The following CPNE4 variants were observed in gnomAD, a reference collection of about 807,000 sequenced individuals.
CPNE4 encodes copine-4.
CPNE4 carries 25 observed loss-of-function variants against 67.9 expected under a neutral mutation model. The observed-to-expected ratio is 0.37, with a 90% CI of 0.27 to 0.51. The LOEUF (loss-of-function observed/expected upper bound fraction) is 0.51. Ranked by LOEUF, CPNE4 falls within the 20% of genes least tolerant of loss-of-function variation. The pLI is 0.93. For synonymous variants in CPNE4, 242 were observed against 244.9 expected, an observed-to-expected ratio of 0.99 and a Z score of 0.11; for missense variants, 464 against 690.8, an observed-to-expected ratio of 0.67 and a Z score of 3.68.
intron 2 of CPNE4, among the ~76,000 whole-genome samples, chr3:131,729,023 A>C (rs149897869): frequency 2.3e-4 from 35 of 152,242 alleles, no homozygotes; most frequent in African/African-American, 6.7e-4. Flanking sequence ...TGGAACTGCC[A>C]CAGGCAAAGT....
intron 6 of CPNE4, among the ~76,000 whole-genome samples, chr3:131,684,484 T>C (rs1037978204): frequency 2.6e-5 from 4 of 152,226 alleles, no homozygotes; most frequent in Non-Finnish European, 5.9e-5. Context: ...TTTTTTTAGA[T>C]ATCAACTTTG....
intron 7 of CPNE4, among the ~76,000 whole-genome samples, chr3:131,668,483 A>G (rs1159982759): frequency 6.6e-6 from 1 of 152,054 alleles, no homozygotes; most frequent in Non-Finnish European, 1.5e-5. Context: ...GAAGCCATTA[A>G]CTGTCTCAGT....
chr3:131,862,943 G>A (rs1466009578), intron 2 of CPNE4, among the ~76,000 whole-genome samples: 2 of 150,306 alleles, frequency 1.3e-5, no homozygotes, highest in Non-Finnish European at 3.0e-5. Context: ...CCACCTATGA[G>A]TGAGAACATG....
chr3:131,679,708 G>A (rs1012879289), intron 6 of CPNE4, among the ~76,000 whole-genome samples: 8 of 152,144 alleles, frequency 5.3e-5, no homozygotes, highest in African/African-American at 1.9e-4. Flanking sequence ...TCAGGAACAG[G>A]TTATTCAATT....
intron 2 of CPNE4, among the ~76,000 whole-genome samples, chr3:131,744,378 TTTTTA>T (rs71622073): frequency 0.28 from 42,900 of 151,892 alleles, 6,140 homozygotes; most frequent in Middle Eastern, 0.36. Context: ...TTAGTGAAAC[TTTTTA>T]TTTTGTGTCA....
At chr3:131,624,095 T>C (rs149882858) in intron 7 of CPNE4, among the ~76,000 whole-genome samples, 1 of 152,180 alleles carries the variant, frequency 6.6e-6, no homozygotes, top group East Asian at 1.9e-4. Context: ...CTGCTATTGG[T>C]GTCTTTCTGA....
At chr3:131,781,649 T>C in intron 2 of CPNE4, among the ~76,000 whole-genome samples, 1 of 152,100 alleles carries the variant, frequency 6.6e-6, no homozygotes, top group Admixed American at 6.6e-5. Context: ...GCCACAAAAG[T>C]GTAAACTCAT....
At chr3:131,716,016 C>T (rs543924955) in intron 3 of CPNE4, among the ~76,000 whole-genome samples, 8 of 152,312 alleles carry the variant, frequency 5.3e-5, no homozygotes, top group Middle Eastern at 3.4e-3. Flanking sequence ...ATGGTCAATT[C>T]TCCTTGAGTT....
At chr3:131,817,330 G>C (rs1267177666) in intron 2 of CPNE4, among the ~76,000 whole-genome samples, 1 of 152,172 alleles carries the variant, frequency 6.6e-6, no homozygotes, top group African/African-American at 2.4e-5. Flanking sequence ...TGCTATGAAG[G>C]GGTTGGGAGC....
chr3:131,649,817 C>T (rs1363921351), intron 7 of CPNE4, among the ~76,000 whole-genome samples: 1 of 152,190 alleles, frequency 6.6e-6, no homozygotes, highest in Non-Finnish European at 1.5e-5. Context: ...ATTTACCACA[C>T]AATAATGGCC....
intron 1 of CPNE4, among the ~76,000 whole-genome samples, chr3:131,953,238 T>TAAAAAAAAAAA (rs369308316): frequency 6.6e-5 from 5 of 75,700 alleles, no homozygotes; most frequent in African/African-American, 2.0e-4. Context: ...GAATGATCAA[T>TAAAAAAAAAAA]TAAAAAAAAA....
chr3:131,565,676 G>C (rs7624051), intron 10 of CPNE4, among the ~76,000 whole-genome samples: 16,959 of 151,832 alleles, frequency 0.11, 2,066 homozygotes, highest in African/African-American at 0.31. Context: ...GTGTTCATCT[G>C]TGTTATGTTT....
At chr3:131,566,678 G>A (rs1194799641) in intron 10 of CPNE4, among the ~76,000 whole-genome samples, 1 of 151,840 alleles carries the variant, frequency 6.6e-6, no homozygotes, top group Non-Finnish European at 1.5e-5. Context: ...CATATCTTTG[G>A]GGCCCTCCTG....
At chr3:132,016,721 T>C (rs995553408) in intron 1 of CPNE4, among the ~76,000 whole-genome samples, 2 of 152,214 alleles carry the variant, frequency 1.3e-5, no homozygotes, top group Non-Finnish European at 2.9e-5. Flanking sequence ...ACTCTCCTTC[T>C]CTATAAGTCT....
chr3:131,995,923 T>C (rs1022427948), intron 1 of CPNE4, among the ~76,000 whole-genome samples: 7 of 152,200 alleles, frequency 4.6e-5, no homozygotes, highest in Non-Finnish European at 1.0e-4. Context: ...ATCAAAGAAA[T>C]GACCAACACC....
intron 2 of CPNE4, among the ~76,000 whole-genome samples, chr3:131,767,382 T>C (rs187551150): frequency 6.6e-6 from 1 of 152,026 alleles, no homozygotes; most frequent in Non-Finnish European, 1.5e-5. Flanking sequence ...AGGTGGCCCT[T>C]TACAGAAAAC....
At chr3:131,812,823 T>C (rs1249295460) in intron 2 of CPNE4, among the ~76,000 whole-genome samples, 1 of 152,158 alleles carries the variant, frequency 6.6e-6, no homozygotes, top group African/African-American at 2.4e-5. Context: ...AGGGAGAATA[T>C]TTAATGTCTT....
At chr3:131,792,639 G>GTGTATA (rs2083767951) in intron 2 of CPNE4, among the ~76,000 whole-genome samples, 2 of 78,898 alleles carry the variant, frequency 2.5e-5, no homozygotes, top group South Asian at 7.8e-4. Flanking sequence ...ATACACACGT[G>GTGTATA]TATATATGTA....
chr3:131,620,107 C>T (rs759471050), intron 7 of CPNE4, among the ~76,000 whole-genome samples: 1 of 152,120 alleles, frequency 6.6e-6, no homozygotes, highest in Non-Finnish European at 1.5e-5. Context: ...AGAGTTTTAG[C>T]CAGGACACAG....
Sources: gnomAD v4.1 joint callset for allele counts (sites outside exome capture counted in the v4.1 genomes callset) on GRCh38, gnomAD v4.1.1 for gene constraint, MANE v1.5 for transcripts, NCBI Gene and HGNC (gene_info 2026-07-23, HGNC 2026-07-21) for gene names.